Variants in SPP1 observed in about 807,000 individuals in gnomAD.
The protein encoded by SPP1 is secreted phosphoprotein 1.
SPP1 carries 18 observed loss-of-function variants against 20.8 expected under a neutral mutation model. That is an observed-to-expected ratio of 0.87 (90% CI 0.60 to 1.29). The LOEUF (loss-of-function observed/expected upper bound fraction) is 1.29, where lower values mean the gene tolerates loss of function less well. Ranked by LOEUF, SPP1 falls within the 50% of genes most tolerant of loss-of-function variation. SPP1 has a pLI of 0.00. For missense variants in SPP1, 363 were observed against 389.0 expected, an observed-to-expected ratio of 0.93 and a Z score of 0.56; for synonymous variants, 146 against 141.5, an observed-to-expected ratio of 1.03 and a Z score of -0.23.
At chr4:87,980,693 T>C (rs1725605784) in intron 5 of SPP1, 1 of 491,082 alleles carries the variant, frequency 2.0e-6, no homozygotes, top group Non-Finnish European at 3.6e-6. Flanking sequence ...TTAAGGTATT[T>C]TGTAGATATC....
Position 87,981,744 on chromosome 4 carries a change from T to G in SPP1, c.486T>G (p.Ser162Arg). 6.2e-7 allele frequency: 1 copy of G among 1,614,194 alleles called. No individual in the cohort carries two copies. Residue 162 changes from serine (S) to arginine (R), a missense_variant, in exon 6 of 7, where the codon AGT becomes AGG. Coordinates refer to ENST00000395080, the MANE Select transcript of SPP1 (RefSeq NM_001040058.2). ...ACACATATGATGGCCGAGGTGATAG[T>G]GTGGTTTATGGACTGAGGTCAAAAT... Reference protein sequence around the residue: ...TVDTYDGRGDSVVYGLRSKSK... With the variant: ...TVDTYDGRGDRVVYGLRSKSK...
In SPP1 at chr4:87,977,095, C is replaced by A; in HGVS notation, c.91C>A (p.Gln31Lys). Residue 31 changes from glutamine (Q) to lysine (K), a missense_variant and splice_region_variant, in exon 3 of 7, where the codon CAG (glutamine) becomes AAG (lysine). Transcript: ENST00000395080. ...QADSGSSEEK[Q>K]LYNKYPDAVA... The stretch of plus-strand genomic sequence containing the variant: ...TGATTCTGGAAGTTCTGAGGAAAAG[C>A]AGGTAAGCATCTTTTATGTTTTTAT... The A allele has an allele frequency of 6.2e-6, 10 of 1,613,384 alleles. No individual in the cohort carries two copies. The highest frequency in any genetic ancestry group is 8.5e-6 in the Non-Finnish European group (10 of 1,179,830).
At chr4:87,982,108 G>C (rs115427550) in intron 6 of SPP1, among the ~76,000 whole-genome samples, 2,474 of 152,186 alleles carry the variant, frequency 0.016, 31 homozygotes, top group South Asian at 0.041. Context: ...ATGTTTTGAA[G>C]TTAAATACCT....
chr4:87,980,009 T>C (rs779410973), intron 3 of SPP1, 37 bp from the exon 4 acceptor site: 79 of 1,600,588 alleles, frequency 4.9e-5, no homozygotes, highest in Admixed American at 8.4e-5. Context: ...CCTACATTTC[T>C]TTTTTTAATA....
At chr4:87,982,184 T>G (rs1725675821) in intron 6 of SPP1, among the ~76,000 whole-genome samples, 1 of 152,182 alleles carries the variant, frequency 6.6e-6, no homozygotes, top group Non-Finnish European at 1.5e-5. Flanking sequence ...GACATAGCCT[T>G]GCCGTTTACT....
intron 3 of SPP1, among the ~76,000 whole-genome samples, chr4:87,978,537 C>T (rs914161881): frequency 2.0e-5 from 3 of 151,894 alleles, no homozygotes; most frequent in Middle Eastern, 3.2e-3. Flanking sequence ...CGCCCGCCAC[C>T]ACGCCCGGAT....
chr4:87,976,386 A>C (rs941454328), intron 1 of SPP1, among the ~76,000 whole-genome samples: 6 of 152,232 alleles, frequency 3.9e-5, no homozygotes, highest in Non-Finnish European at 5.9e-5. Flanking sequence ...CAAATTTCAG[A>C]GATAGTTTGA....
chr4:87,981,852 A>G (rs1725663834), intron 6 of SPP1, 54 bp downstream of exon 6: 1 of 1,494,214 alleles, frequency 6.7e-7, no homozygotes, highest in Non-Finnish European at 9.2e-7. Flanking sequence ...CAAGTCTAGG[A>G]AACCACAGTT....
Position 87,980,416 on chromosome 4 carries a change from C to T in SPP1, c.198C>T (p.Thr66=). 1 of 1,614,094 alleles carries T rather than the reference C, an allele frequency of 6.2e-7. No individual in the cohort carries two copies. The highest frequency in any genetic ancestry group is 8.5e-7 in the Non-Finnish European group (1 of 1,179,992). Residue 66 remains threonine (T), a synonymous_variant, in exon 5 of 7, where the codon ACC becomes ACT. Transcript: ENST00000395080. ...AGAATGCTGTGTCCTCTGAAGAAACCAATGACTTTAAACAAGAGGTAAGTT... is the reference window on the plus strand; with the variant it reads ...AGAATGCTGTGTCCTCTGAAGAAACTAATGACTTTAAACAAGAGGTAAGTT... The part of the protein sequence containing the change: ...APQNAVSSEE[T]NDFKQETLPS...
chr4:87,982,974 G>A lies in SPP1; in HGVS notation c.*78G>A. 7.5e-7 allele frequency: 1 copy of A among 1,335,232 alleles called. No homozygotes were observed. The highest frequency in any genetic ancestry group is 1.0e-6 in the Non-Finnish European group (1 of 988,072). 82.7% of individuals were successfully genotyped at this position (1,335,232 alleles called of 1,614,324 possible). A position where few individuals can be genotyped will look rare whatever the true frequency, so the allele number is the denominator to read the frequency against. ...TTTATAGCAAAATGAAAGAGAACAT[G>A]AAATGCTTCTTTCTCAGTTTATTGG... On this transcript the variant is annotated 3_prime_UTR_variant, in exon 7 of 7. Transcript: ENST00000395080.
intron 5 of SPP1, 42 bp from the exon 6 acceptor site, chr4:87,981,432 TA>T (rs1725635620): frequency 7.7e-6 from 12 of 1,560,504 alleles, no homozygotes; most frequent in Non-Finnish European, 1.0e-5. Flanking sequence ...TAAGGGAAAA[TA>T]AAAACCCATA....
intron 3 of SPP1, among the ~76,000 whole-genome samples, chr4:87,978,721 G>T (rs1725515672): frequency 6.6e-6 from 1 of 152,022 alleles, no homozygotes; most frequent in Admixed American, 6.6e-5. Context: ...CCTTCTTTCA[G>T]CAAAACCTTT....
At chr4:87,978,363 T>C (rs1007231758) in intron 3 of SPP1, among the ~76,000 whole-genome samples, 1 of 151,176 alleles carries the variant, frequency 6.6e-6, no homozygotes, top group Non-Finnish European at 1.5e-5. Flanking sequence ...TCTGAACTCA[T>C]CTGGTCTCAC....
intron 3 of SPP1, among the ~76,000 whole-genome samples, chr4:87,978,797 G>A (rs1725518257): frequency 1.3e-5 from 2 of 152,126 alleles, no homozygotes; most frequent in Non-Finnish European, 2.9e-5. Flanking sequence ...AAGTACTTCT[G>A]ACTGGTTCTC....
At chr4:87,982,188 GT>G (rs2110070586) in intron 6 of SPP1, among the ~76,000 whole-genome samples, 1 of 152,112 alleles carries the variant, frequency 6.6e-6, no homozygotes, top group Non-Finnish European at 1.5e-5. Flanking sequence ...TAGCCTTGCC[GT>G]TTACTATTCT....
In SPP1 at chr4:87,983,137, T is replaced by C; in HGVS notation, c.*241T>C. On this transcript the variant is annotated 3_prime_UTR_variant, in exon 7 of 7. Transcript: ENST00000395080. ...TTCATTCTATAGAAGAAATGCAAAC[T>C]ATCACTGTATTTTAATATTTGTTAT... The C allele has an allele frequency of 2.6e-6, 1 of 378,768 alleles. No homozygotes were observed. The highest frequency in any genetic ancestry group is 4.7e-6 in the Non-Finnish European group (1 of 212,128). 23.5% of individuals were successfully genotyped at this position (378,768 alleles called of 1,614,324 possible).
intron 3 of SPP1, among the ~76,000 whole-genome samples, chr4:87,978,923 G>A (rs1725524285): frequency 6.6e-6 from 1 of 152,126 alleles, no homozygotes; most frequent in Non-Finnish European, 1.5e-5. Context: ...CAGCAGATCA[G>A]ATGATACTTA....
At chr4:87,976,497 G>A (rs956456386) in intron 1 of SPP1, among the ~76,000 whole-genome samples, 1 of 151,970 alleles carries the variant, frequency 6.6e-6, no homozygotes, top group Admixed American at 6.6e-5. Context: ...TTTTTTCTGT[G>A]AGTTTTTTCT....
Position 87,983,015 on chromosome 4 carries a change from T to C in SPP1, c.*119T>C, listed in dbSNP as rs1725726801. On this transcript the variant is annotated 3_prime_UTR_variant, in exon 7 of 7. Coordinates refer to ENST00000395080, the MANE Select transcript of SPP1 (RefSeq NM_001040058.2). ...AGTTTATTGGTTGAATGTGTATCTA[T>C]TTGAGTCTGGAAATAACTAATGTGT... 17 of 1,047,826 alleles carry C rather than the reference T, an allele frequency of 1.6e-5. 1 individual carries two copies. The South Asian group carries it at 2.6e-4, about 16-fold the overall frequency. The allele number at this position is 1,047,826 out of a possible 1,614,324, so 64.9% of individuals were successfully genotyped here.
Sources: allele counts gnomAD v4.1 joint callset (sites outside exome capture counted in the v4.1 genomes callset), GRCh38; gene constraint gnomAD v4.1.1; transcripts MANE v1.5; gene names NCBI Gene and HGNC (gene_info 2026-07-23, HGNC 2026-07-21).